Variants in POU2F1 observed in about 807,000 individuals in gnomAD.
POU2F1 encodes POU domain, class 2, transcription factor 1.
POU2F1 carries 16 observed loss-of-function variants against 84.9 expected under a neutral mutation model. The ratio of observed to expected loss-of-function variants is 0.19; its 90% CI spans 0.13 to 0.29. The LOEUF (loss-of-function observed/expected upper bound fraction) is 0.29, where lower values mean the gene tolerates loss of function less well. POU2F1 is among the 10% of genes least tolerant of loss of function. The pLI is 1.00. For missense variants in POU2F1, 738 were observed against 942.6 expected (o/e 0.78, Z 2.84); for synonymous variants, 368 against 368.3 (o/e 1.00, Z 0.01).
intron 15 of POU2F1, among the ~76,000 whole-genome samples, chr1:167,415,053 G>A (rs911592074): frequency 2.6e-5 from 4 of 152,176 alleles, no homozygotes; most frequent in Non-Finnish European, 5.9e-5. Flanking sequence ...GCAGGCCTCA[G>A]GCTGTAATGC....
At chr1:167,225,998 G>A (rs1648603915) in intron 1 of POU2F1, among the ~76,000 whole-genome samples, 1 of 152,172 alleles carries the variant, frequency 6.6e-6, no homozygotes, top group Non-Finnish European at 1.5e-5. Flanking sequence ...TTTTAAGCAG[G>A]AATGTGTTTT....
chr1:167,398,091 A>G lies in POU2F1; in HGVS notation c.1227A>G (p.Ile409Met). The G allele has an allele frequency of 1.9e-6, 3 of 1,614,162 alleles. No individual in the cohort carries two copies. The highest frequency in any genetic ancestry group is 2.5e-6 in the Non-Finnish European group (3 of 1,180,008). Residue 409 changes from isoleucine to methionine, a missense_variant, in exon 11 of 16, where the codon ATA becomes ATG. By Grantham distance (10) the Ile-to-Met change is conservative (BLOSUM62 1). Coordinates refer to ENST00000367866, the MANE Select transcript of POU2F1 (RefSeq NM_002697.4). Reference sequence around the variant, plus strand: ...GTAGGAGGAAGAAACGCACCAGCATAGAGACCAACATCCGTGTGGCCTTAG... The same window carrying G: ...GTAGGAGGAAGAAACGCACCAGCATGGAGACCAACATCCGTGTGGCCTTAG... The part of the protein sequence containing the change: ...LSRRRKKRTS[I>M]ETNIRVALEK...
At chr1:167,240,868 C>T (rs12121357) in intron 1 of POU2F1, among the ~76,000 whole-genome samples, 2,721 of 152,126 alleles carry the variant, frequency 0.018, 43 homozygotes, top group Admixed American at 0.027. Flanking sequence ...AAAGGCCGGG[C>T]GCGGTGGCTC....
At chr1:167,413,168 TG>T in intron 15 of POU2F1, 54 bp downstream of exon 15, 2 of 765,248 alleles carry the variant, frequency 2.6e-6, no homozygotes, top group South Asian at 4.2e-5. Context: ...TGTGAGTGTG[TG>T]TGTGTGTGTG....
chr1:167,272,519 A>G (rs1029184778), intron 1 of POU2F1, among the ~76,000 whole-genome samples: 1 of 152,104 alleles, frequency 6.6e-6, no homozygotes, highest in Non-Finnish European at 1.5e-5. Flanking sequence ...AGGCTGTACA[A>G]GCGTGGTGGG....
intron 13 of POU2F1, among the ~76,000 whole-genome samples, chr1:167,406,892 T>G (rs1021276000): frequency 3.3e-5 from 5 of 152,064 alleles, no homozygotes; most frequent in African/African-American, 1.2e-4. Context: ...ATATTCCATG[T>G]TCATGTTTTG....
chr1:167,244,434 C>T (rs1488601131), intron 1 of POU2F1, among the ~76,000 whole-genome samples: 4 of 152,210 alleles, frequency 2.6e-5, no homozygotes, highest in Non-Finnish European at 5.9e-5. Context: ...CCATTCCTTG[C>T]CATGTGGACT....
At chr1:167,273,180 C>T (rs1652493368) in intron 1 of POU2F1, among the ~76,000 whole-genome samples, 1 of 152,178 alleles carries the variant, frequency 6.6e-6, no homozygotes, top group Non-Finnish European at 1.5e-5. Context: ...GGGTGGTCTC[C>T]CAGGTCCTGA....
rs960670053 is a variant in POU2F1 at position 167,365,464 on chromosome 1, T to TAGG, written c.128-2_128dup. ...AGTTGAAATTATTTTGCTTGCTTTC[T>TAGG]AGGCACACAAACCAATGGTCTGGAC... On this transcript the variant is annotated splice_region_variant and splice_polypyrimidine_tract_variant and intron_variant, in intron 2 of 15. Coordinates refer to ENST00000367866, the MANE Select transcript of POU2F1 (RefSeq NM_002697.4). 6.4e-7 allele frequency: 1 copy of TAGG among 1,563,428 alleles called. No individual in the cohort carries two copies. The highest frequency in any genetic ancestry group is 8.6e-7 in the Non-Finnish European group (1 of 1,157,698).
At chr1:167,320,198 T>C (rs1005514354) in intron 1 of POU2F1, among the ~76,000 whole-genome samples, 2 of 152,164 alleles carry the variant, frequency 1.3e-5, no homozygotes, top group Non-Finnish European at 2.9e-5. Flanking sequence ...GAACCACATA[T>C]GAAGAATCAG....
intron 9 of POU2F1, among the ~76,000 whole-genome samples, chr1:167,392,568 A>G (rs550665243): frequency 6.6e-6 from 1 of 152,180 alleles, no homozygotes; most frequent in African/African-American, 2.4e-5. Context: ...CTTTTACTCA[A>G]ATAGTGGTTT....
At chr1:167,340,431 C>CTTTTTTTTTTTTTTTTTT (rs761386225) in intron 2 of POU2F1, among the ~76,000 whole-genome samples, 3 of 122,322 alleles carry the variant, frequency 2.5e-5, no homozygotes, top group African/African-American at 1.0e-4. Context: ...TTCTTTTTTT[C>CTTTTTTTTTTTTTTTTTT]TTTTTTTTTT....
At chr1:167,354,244 C>G (rs1658787044) in intron 2 of POU2F1, among the ~76,000 whole-genome samples, 1 of 152,040 alleles carries the variant, frequency 6.6e-6, no homozygotes, top group Non-Finnish European at 1.5e-5. Flanking sequence ...TTGTACTTAT[C>G]TCTTGATACA....
chr1:167,282,422 G>A (rs1391746745), intron 1 of POU2F1, among the ~76,000 whole-genome samples: 1 of 152,166 alleles, frequency 6.6e-6, no homozygotes, highest in Non-Finnish European at 1.5e-5. Flanking sequence ...GGGATTACAG[G>A]CGTGACCTAC....
At chr1:167,411,406 T>G (rs1649957343) in intron 13 of POU2F1, among the ~76,000 whole-genome samples, 1 of 120,024 alleles carries the variant, frequency 8.3e-6, no homozygotes, top group Non-Finnish European at 1.6e-5. Context: ...TTGTATGTTG[T>G]TTTTTTTTTT....
At chr1:167,284,300 C>T (rs969777690) in intron 1 of POU2F1, among the ~76,000 whole-genome samples, 1 of 152,100 alleles carries the variant, frequency 6.6e-6, no homozygotes, top group East Asian at 1.9e-4. Flanking sequence ...ACAGATAGGT[C>T]AGTTATTTAA....
At chr1:167,260,949 C>T (rs1177998221) in intron 1 of POU2F1, among the ~76,000 whole-genome samples, 1 of 151,892 alleles carries the variant, frequency 6.6e-6, no homozygotes, top group African/African-American at 2.4e-5. Flanking sequence ...TTTTTTGTTC[C>T]TTTTAGAAAT....
chr1:167,359,361 C>A (rs977899974), intron 2 of POU2F1, among the ~76,000 whole-genome samples: 7 of 152,130 alleles, frequency 4.6e-5, no homozygotes, highest in African/African-American at 1.7e-4. Flanking sequence ...TCCCTTCCCC[C>A]TTTTGGAATC....
chr1:167,304,820 A>G (rs530954194), intron 1 of POU2F1, among the ~76,000 whole-genome samples: 1 of 152,336 alleles, frequency 6.6e-6, no homozygotes, highest in South Asian at 2.1e-4. Flanking sequence ...TTCACTTTTT[A>G]TAGTTGATAA....
Sources: gnomAD v4.1 joint callset for allele counts (sites outside exome capture counted in the v4.1 genomes callset) on GRCh38, gnomAD v4.1.1 for gene constraint, MANE v1.5 for transcripts, NCBI Gene and HGNC (gene_info 2026-07-23, HGNC 2026-07-21) for gene names.